Variants in RBFOX1 observed in about 807,000 individuals in gnomAD.
RBFOX1 encodes the protein RNA binding protein fox-1 homolog 1.
RBFOX1 carries 8 observed loss-of-function variants against 57.7 expected under a neutral mutation model. That is an observed-to-expected ratio of 0.14 (90% CI 0.08 to 0.25). RBFOX1 has a LOEUF of 0.25. Among genes scored for constraint, RBFOX1 ranks in the 10% least tolerant of loss-of-function variants. RBFOX1 has a pLI of 1.00. For missense variants in RBFOX1, 611 were observed against 548.5 expected, an observed-to-expected ratio of 1.11 and a Z score of -1.14; for synonymous variants, 326 against 222.4, an observed-to-expected ratio of 1.47 and a Z score of -4.15.
intron 4 of RBFOX1, among the ~76,000 whole-genome samples, chr16:7,408,337 C>T (rs978112003): frequency 6.6e-6 from 1 of 152,032 alleles, no homozygotes; most frequent in Non-Finnish European, 1.5e-5. Context: ...TTTAATACGG[C>T]GACTGTATTC....
At chr16:6,551,984 C>G (rs2096998675) in intron 2 of RBFOX1, among the ~76,000 whole-genome samples, 1 of 152,176 alleles carries the variant, frequency 6.6e-6, no homozygotes, top group Non-Finnish European at 1.5e-5. Flanking sequence ...AGTCATATCC[C>G]ATTACCAGTC....
chr16:5,378,843 C>T (rs2066057857), intron 1 of RBFOX1, among the ~76,000 whole-genome samples: 1 of 151,560 alleles, frequency 6.6e-6, no homozygotes, highest in Admixed American at 6.5e-5. Flanking sequence ...AAAATGTTTG[C>T]ACAATAAATG....
rs144680026 is a variant in RBFOX1 at position 6,607,509 on chromosome 16, C to T, written c.-63-47094C>T. On this transcript the variant is annotated intron_variant, in intron 2 of 15. Coordinates refer to ENST00000550418, the MANE Select transcript of RBFOX1 (RefSeq NM_018723.4). ...CTCTTTCTTCCTCTCTCTCCCCTCT[C>T]TTCTCTCTCCTATCTATCTCCTCTC... Among the ~76,000 whole-genome samples the T allele has an allele frequency of 6.0e-5, 9 of 148,930 alleles. No individual in the cohort carries two copies. The East Asian group carries it at 1.6e-3, about 27-fold the overall frequency.
intron 1 of RBFOX1, among the ~76,000 whole-genome samples, chr16:6,285,046 A>G (rs933726534): frequency 6.6e-6 from 1 of 152,176 alleles, no homozygotes; most frequent in African/African-American, 2.4e-5. Context: ...GAGAGAGGCA[A>G]GGAAATCGCA....
At chr16:7,151,906 G>C (rs2076184442) in intron 4 of RBFOX1, among the ~76,000 whole-genome samples, 1 of 152,152 alleles carries the variant, frequency 6.6e-6, no homozygotes, top group Non-Finnish European at 1.5e-5. Context: ...ACAGGAGGTG[G>C]TAATGTGAGC....
intron 4 of RBFOX1, among the ~76,000 whole-genome samples, chr16:7,430,477 A>T (rs768797729): frequency 6.6e-6 from 1 of 152,078 alleles, no homozygotes; most frequent in Non-Finnish European, 1.5e-5. Flanking sequence ...CTGGCTAACA[A>T]GGTGAAACCC....
chr16:5,901,882 C>A (rs773598716), intron 4 of RBFOX1, among the ~76,000 whole-genome samples: 2 of 152,154 alleles, frequency 1.3e-5, no homozygotes, highest in Non-Finnish European at 2.9e-5. Flanking sequence ...TGCCTATGCC[C>A]AAGCATTCTT....
At chr16:5,504,625 G>A (rs1237602460) in intron 2 of RBFOX1, among the ~76,000 whole-genome samples, 1 of 152,226 alleles carries the variant, frequency 6.6e-6, no homozygotes, top group Non-Finnish European at 1.5e-5. Context: ...AAGTAAACCA[G>A]GCACAAGCAC....
intron 2 of RBFOX1, among the ~76,000 whole-genome samples, chr16:6,447,566 A>G (rs917431932): frequency 6.6e-6 from 1 of 152,154 alleles, no homozygotes; most frequent in Non-Finnish European, 1.5e-5. Context: ...CTGTTTTTAG[A>G]CCGTGTGCTA....
chr16:7,614,082 A>G (rs74367769), intron 10 of RBFOX1: 16,786 of 152,212 alleles, frequency 0.11, 1,478 homozygotes, highest in African/African-American at 0.25. Context: ...TCTCATACCC[A>G]CCAGGAGGAC....
At chr16:7,610,118 CTTTT>C (rs34468596) in intron 10 of RBFOX1, among the ~76,000 whole-genome samples, 2 of 65,622 alleles carry the variant, frequency 3.0e-5, no homozygotes, top group African/African-American at 1.6e-4. Context: ...GCCCGGCCCC[CTTTT>C]TTTTTTTTTT....
chr16:6,208,631 G>A (rs929250419), intron 1 of RBFOX1, among the ~76,000 whole-genome samples: 4 of 152,166 alleles, frequency 2.6e-5, no homozygotes, highest in Non-Finnish European at 4.4e-5. Context: ...AATACGTAGC[G>A]CTGCACAGTG....
At chr16:7,418,894 G>A (rs1460628518) in intron 4 of RBFOX1, among the ~76,000 whole-genome samples, 1 of 150,778 alleles carries the variant, frequency 6.6e-6, no homozygotes, top group East Asian at 2.0e-4. Context: ...TTTTTTTGTT[G>A]TTGTTTCTGT....
At chr16:6,871,842 T>G (rs895110901) in intron 3 of RBFOX1, among the ~76,000 whole-genome samples, 2 of 152,064 alleles carry the variant, frequency 1.3e-5, no homozygotes, top group Non-Finnish European at 2.9e-5. Context: ...CTGCTTAGCC[T>G]ATCGTGTCCT....
intron 3 of RBFOX1, among the ~76,000 whole-genome samples, chr16:6,917,884 A>T (rs1454337861): frequency 1.3e-5 from 2 of 152,172 alleles, no homozygotes; most frequent in Admixed American, 6.5e-5. Context: ...AAACTGACAC[A>T]AGTCGAAAGA....
intron 3 of RBFOX1, among the ~76,000 whole-genome samples, chr16:5,613,211 G>C (rs1219086467): frequency 6.6e-6 from 1 of 152,150 alleles, no homozygotes; most frequent in Non-Finnish European, 1.5e-5. Context: ...CTTCCTTCAG[G>C]CTTCAGAAGA....
rs114075664 is a variant in RBFOX1, at chr16:7,594,549, C to T, written c.469-1000C>T. Among the ~76,000 whole-genome samples the T allele has an allele frequency of 1.0e-2, 1,520 of 152,160 alleles. 27 individuals are homozygous for T. Among genetic ancestry groups the T allele is most frequent in the African/African-American group, 0.035 (1,447 of 41,508 alleles). ...GAACAATGTCAGTGAAGACAAAATA[C>T]GGATTTTGACAATATAGTTTAGTGG... On this transcript the variant is annotated intron_variant, in intron 7 of 15. Transcript: ENST00000550418.
chr16:7,585,047 G>T (rs1375083237), intron 6 of RBFOX1, among the ~76,000 whole-genome samples: 1 of 152,186 alleles, frequency 6.6e-6, no homozygotes, highest in African/African-American at 2.4e-5. Flanking sequence ...TTCCATAGAT[G>T]ACAGTTGCAT....
chr16:5,598,300 G>C (rs2047254352), intron 2 of RBFOX1, among the ~76,000 whole-genome samples: 1 of 152,136 alleles, frequency 6.6e-6, no homozygotes, highest in Non-Finnish European at 1.5e-5. Flanking sequence ...TGCTGGAGTG[G>C]AAGGTGGAAG....
Sources: gnomAD v4.1 joint callset for allele counts (sites outside exome capture counted in the v4.1 genomes callset) on GRCh38, gnomAD v4.1.1 for gene constraint, MANE v1.5 for transcripts, NCBI Gene and HGNC (gene_info 2026-07-23, HGNC 2026-07-21) for gene names.